Variants in CEP128 observed in about 807,000 individuals in gnomAD.
CEP128 encodes centrosomal protein 128.
In CEP128, 132 loss-of-function variants were observed where a neutral mutation model predicts 156.7. The observed-to-expected ratio is 0.84, with a 90% CI of 0.73 to 0.97. The LOEUF (loss-of-function observed/expected upper bound fraction) is 0.97. Among genes scored for constraint, CEP128 ranks in the 50% least tolerant of loss-of-function variants. CEP128 has a pLI of 0.00. For synonymous variants in CEP128, 469 were observed against 448.9 expected, an observed-to-expected ratio of 1.04 and a Z score of -0.57; for missense variants, 1,252 against 1,281.9, an observed-to-expected ratio of 0.98 and a Z score of 0.36.
At chr14:80,841,346 T>G (rs1886340516) in intron 9 of CEP128, among the ~76,000 whole-genome samples, 1 of 152,086 alleles carries the variant, frequency 6.6e-6, no homozygotes, top group Non-Finnish European at 1.5e-5. Context: ...TCCAACAAGA[T>G]CAACAGAAAA....
At chr14:80,678,666 C>T (rs1896189488) in intron 19 of CEP128, among the ~76,000 whole-genome samples, 1 of 152,208 alleles carries the variant, frequency 6.6e-6, no homozygotes, top group Non-Finnish European at 1.5e-5. Flanking sequence ...CCCTCTGTGA[C>T]TCATCTTTCC....
chr14:80,807,692 C>G (rs1884258401), intron 13 of CEP128, among the ~76,000 whole-genome samples: 1 of 152,202 alleles, frequency 6.6e-6, no homozygotes, highest in Non-Finnish European at 1.5e-5. Context: ...GGACAGAGAT[C>G]TGAACATCCC....
intron 23 of CEP128, among the ~76,000 whole-genome samples, chr14:80,507,914 A>AT (rs888541873): frequency 2.1e-4 from 32 of 152,124 alleles, no homozygotes; most frequent in Middle Eastern, 6.8e-3. Context: ...TAATAATTTA[A>AT]TTTTTTTTGT....
chr14:80,660,313 T>C (rs974444206), intron 19 of CEP128, among the ~76,000 whole-genome samples: 1 of 152,198 alleles, frequency 6.6e-6, no homozygotes, highest in Non-Finnish European at 1.5e-5. Flanking sequence ...ATTACATGAA[T>C]TAACATGTCA....
intron 19 of CEP128, among the ~76,000 whole-genome samples, chr14:80,737,519 T>C (rs1204881620): frequency 6.7e-6 from 1 of 150,134 alleles, no homozygotes; most frequent in Admixed American, 6.7e-5. Flanking sequence ...TCAATTAAAA[T>C]CACTTATTTT....
At chr14:80,572,513 A>T (rs1891185490) in intron 20 of CEP128, among the ~76,000 whole-genome samples, 1 of 152,198 alleles carries the variant, frequency 6.6e-6, no homozygotes, top group Non-Finnish European at 1.5e-5. Flanking sequence ...CTGTCTAGGG[A>T]TGTGCTGTGA....
intron 20 of CEP128, among the ~76,000 whole-genome samples, chr14:80,562,607 CATT>C (rs1890732492): frequency 6.7e-6 from 1 of 149,090 alleles, no homozygotes; most frequent in African/African-American, 2.5e-5. Flanking sequence ...TACTGTGTAT[CATT>C]ATTCTCAATG....
At chr14:80,895,598 T>C (rs1404080824) in intron 8 of CEP128, 120 bp downstream of exon 8, 1 of 578,906 alleles carries the variant, frequency 1.7e-6, no homozygotes, top group Non-Finnish European at 2.9e-6. Context: ...AACACACTTT[T>C]AGACAAAATG....
chr14:80,899,948 T>G lies in CEP128; in HGVS notation c.562A>C (p.Arg188=). 6.2e-7 allele frequency: 1 copy of G among 1,612,508 alleles called. No individual in the cohort carries two copies. Among genetic ancestry groups the G allele is most frequent in the Non-Finnish European group, 8.5e-7 (1 of 1,178,624 alleles). ...ATAGGCTGCTTTTACCGGCTCCTTC[T>G]GGAAAGCTCCCTGTTGAAATCATCT... ...LGDDFNRELS[R]RSRSDAETKR... The change falls in exon 7 of 25, where the codon AGA becomes CGA. Residue 188 remains arginine (R), a synonymous_variant. Coordinates refer to ENST00000555265, the MANE Select transcript of CEP128 (RefSeq NM_152446.5).
chr14:80,774,078 C>T (rs1900657499), intron 16 of CEP128, among the ~76,000 whole-genome samples: 1 of 152,176 alleles, frequency 6.6e-6, no homozygotes, highest in East Asian at 1.9e-4. Flanking sequence ...TACCATATAT[C>T]ACCACTGAAT....
chr14:80,503,589 TCTGA>T (rs2140188031), intron 24 of CEP128, among the ~76,000 whole-genome samples: 1 of 152,330 alleles, frequency 6.6e-6, no homozygotes, highest in South Asian at 2.1e-4. Context: ...CTCTTGAATG[TCTGA>T]CTAATTGGGA....
intron 23 of CEP128, among the ~76,000 whole-genome samples, chr14:80,516,844 A>G (rs1258102449): frequency 2.0e-5 from 3 of 152,140 alleles, no homozygotes; most frequent in African/African-American, 7.2e-5. Context: ...AGTGTAGGCA[A>G]TTTAAGATAG....
downstream of CEP128, among the ~76,000 whole-genome samples, chr14:80,489,294 C>T (rs1000004701): frequency 7.1e-6 from 1 of 140,092 alleles, no homozygotes; most frequent in African/African-American, 2.7e-5. Flanking sequence ...AAAAAAGTCA[C>T]ACACCAAGTG....
At chr14:80,683,842 T>C (rs1417110456) in intron 19 of CEP128, among the ~76,000 whole-genome samples, 1 of 151,680 alleles carries the variant, frequency 6.6e-6, no homozygotes, top group Admixed American at 6.6e-5. Flanking sequence ...TATACGAAAA[T>C]GAAAAAACTT....
chr14:80,549,830 A>G (rs1034210897), intron 21 of CEP128, among the ~76,000 whole-genome samples: 1 of 152,224 alleles, frequency 6.6e-6, no homozygotes, highest in African/African-American at 2.4e-5. Context: ...ATGAAGCACA[A>G]TTAGTGTTAG....
At chr14:80,748,253 C>T (rs1753816699) in intron 18 of CEP128, among the ~76,000 whole-genome samples, 1 of 152,156 alleles carries the variant, frequency 6.6e-6, no homozygotes, top group South Asian at 2.1e-4. Flanking sequence ...CTTCTCAATA[C>T]TCCCTTTGAA....
chr14:80,637,074 G>A (rs1240441256), intron 19 of CEP128, among the ~76,000 whole-genome samples: 6 of 147,552 alleles, frequency 4.1e-5, no homozygotes, highest in African/African-American at 7.7e-5. Context: ...CATCAAGAGC[G>A]AAACTCCGTC....
chr14:80,548,425 C>G (rs562496600), intron 21 of CEP128, among the ~76,000 whole-genome samples: 2 of 152,204 alleles, frequency 1.3e-5, no homozygotes, highest in East Asian at 3.9e-4. Context: ...ATTCCCCCCA[C>G]TATATATTGT....
chr14:80,774,607 A>C (rs971270718), intron 16 of CEP128, among the ~76,000 whole-genome samples: 14 of 151,586 alleles, frequency 9.2e-5, no homozygotes, highest in Non-Finnish European at 1.9e-4. Context: ...ACATATATAC[A>C]TATGTGTGTG....
Sources: allele counts gnomAD v4.1 joint callset (sites outside exome capture counted in the v4.1 genomes callset), GRCh38; gene constraint gnomAD v4.1.1; transcripts MANE v1.5; gene names NCBI Gene and HGNC (gene_info 2026-07-23, HGNC 2026-07-21).